Variants in TTC39A observed in about 807,000 individuals in gnomAD.
TTC39A encodes the protein tetratricopeptide repeat protein 39A.
A neutral mutation model predicts 82.3 loss-of-function variants in TTC39A; 46 were observed. The ratio of observed to expected loss-of-function variants is 0.56; its 90% CI spans 0.44 to 0.71. The LOEUF is 0.71. TTC39A is among the 30% of genes least tolerant of loss of function. The pLI is 0.00. For missense variants in TTC39A, 543 were observed against 712.9 expected (o/e 0.76, Z 2.71); for synonymous variants, 254 against 275.2 (o/e 0.92, Z 0.76).
chr1:51,342,620 C>A (rs780226814), intron 1 of TTC39A, among the ~76,000 whole-genome samples: 5 of 152,144 alleles, frequency 3.3e-5, no homozygotes, highest in East Asian at 3.9e-4. Flanking sequence ...GAGGGTGGAG[C>A]GGTCACAGGG....
At chr1:51,336,637 A>T (rs1178169900) in intron 1 of TTC39A, among the ~76,000 whole-genome samples, 1 of 152,124 alleles carries the variant, frequency 6.6e-6, no homozygotes, top group Non-Finnish European at 1.5e-5. Flanking sequence ...AGACAGGAAG[A>T]TCTGGATGGA....
chr1:51,292,196 A>T lies in TTC39A; in HGVS notation c.1267-1571T>A, dbSNP rs550498132. Among the ~76,000 whole-genome samples the T allele has an allele frequency of 4.6e-5, 7 of 152,282 alleles. No individual in the cohort carries two copies. In the East Asian group the frequency reaches 7.7e-4, roughly 17 times the overall value. ...GACCCCACCTCTAAAATAAATATTT[A>T]AAAATAAATAAAATAAAATAATAGT... On this transcript the variant is annotated intron_variant, in intron 14 of 17. Coordinates refer to ENST00000680483, the MANE Select transcript of TTC39A (RefSeq NM_001297663.2).
In TTC39A at chr1:51,316,457, C is replaced by T. The variant is rs150014981; in HGVS notation, c.147-3514G>A. ...CCTCATACCAGTCTCTCTCTTTCAACATACTCAATGCCAAGCCTGCCAACC... is the reference window on the plus strand; with the variant it reads ...CCTCATACCAGTCTCTCTCTTTCAATATACTCAATGCCAAGCCTGCCAACC... On this transcript the variant is annotated intron_variant, in intron 2 of 17. Transcript: ENST00000680483. Among the ~76,000 whole-genome samples the T allele has an allele frequency of 3.9e-3, 591 of 152,312 alleles. 2 individuals carry two copies. The highest frequency in any genetic ancestry group is 7.1e-3 in the Non-Finnish European group (486 of 68,010).
intron 1 of TTC39A, among the ~76,000 whole-genome samples, chr1:51,340,407 C>CA (rs1411361391): frequency 6.6e-6 from 1 of 152,180 alleles, no homozygotes; most frequent in Non-Finnish European, 1.5e-5. Context: ...CAGGGGGACT[C>CA]AGAGGAATGG....
chr1:51,336,802 A>C (rs192007979), intron 1 of TTC39A, among the ~76,000 whole-genome samples: 159 of 152,304 alleles, frequency 1.0e-3, no homozygotes, highest in Middle Eastern at 3.4e-3. Context: ...CACCAACCTC[A>C]TTAGGTTGTT....
chr1:51,343,726 G>A (rs1249254407), intron 1 of TTC39A, among the ~76,000 whole-genome samples: 1 of 152,186 alleles, frequency 6.6e-6, no homozygotes, highest in Non-Finnish European at 1.5e-5. Context: ...CTGAAAGGCT[G>A]AATGAGAGTC....
chr1:51,306,162 A>G, intron 6 of TTC39A, 86 bp from the exon 7 acceptor site: 1 of 1,085,506 alleles, frequency 9.2e-7, no homozygotes, highest in Admixed American at 1.9e-5. Context: ...GCCTCAGGTA[A>G]ACTCCCTGGT....
chr1:51,321,682 C>G lies in TTC39A; in HGVS notation c.146+39G>C, dbSNP rs749735217. Reference sequence around the variant, plus strand: ...AAGACCTCTGGTTCTCCCTGACCGTCATGCACACCCCCTACCCCAACCGGG... The same window carrying G: ...AAGACCTCTGGTTCTCCCTGACCGTGATGCACACCCCCTACCCCAACCGGG... On this transcript the variant is annotated intron_variant, in intron 2 of 17. Transcript: ENST00000680483. This position sits in a 1 kb window ranked among gnomAD's most constrained non-coding sequence, Gnocchi z 4.6. The G allele has an allele frequency of 2.5e-6, 4 of 1,593,776 alleles. No homozygotes were observed. The Admixed American group carries it at 6.8e-5, about 27-fold the overall frequency.
At chr1:51,336,923 C>T (rs1645981426) in intron 1 of TTC39A, among the ~76,000 whole-genome samples, 1 of 152,094 alleles carries the variant, frequency 6.6e-6, no homozygotes, top group African/African-American at 2.4e-5. Flanking sequence ...TTTGAGAGGC[C>T]AAGGCGGGAG....
At chr1:51,289,547 A>G (rs1644123128) in intron 16 of TTC39A, among the ~76,000 whole-genome samples, 1 of 152,026 alleles carries the variant, frequency 6.6e-6, no homozygotes, top group Admixed American at 6.5e-5. Flanking sequence ...TGCCTGATGA[A>G]CTTCCCACTT....
intron 2 of TTC39A, among the ~76,000 whole-genome samples, chr1:51,315,840 TAA>T (rs1645262900): frequency 6.6e-6 from 1 of 152,218 alleles, no homozygotes; most frequent in Non-Finnish European, 1.5e-5. Flanking sequence ...CATCTCAGTG[TAA>T]ATGTCACTTT....
chr1:51,324,212 C>T (rs1408585557), intron 1 of TTC39A, among the ~76,000 whole-genome samples: 2 of 152,064 alleles, frequency 1.3e-5, no homozygotes, highest in African/African-American at 2.4e-5. Flanking sequence ...CTGGTGGGGG[C>T]GGACCTTTTT....
At position 51,308,245 on chromosome 1, in the gene TTC39A, CT is replaced by C. The variant is rs527643647; in HGVS notation, c.488+1015del. Among the ~76,000 whole-genome samples, 513 of 145,770 alleles carry C rather than the reference CT, an allele frequency of 3.5e-3. 2 individuals carry two copies. Among genetic ancestry groups the C allele is most frequent in the South Asian group, 0.021 (99 of 4,610 alleles). ...TATAAACCTCTTGCCGCCACCCCCCCTTTTTTTTTTTTGAGATGACGTCTCG... is the reference window on the plus strand; with the variant it reads ...TATAAACCTCTTGCCGCCACCCCCCCTTTTTTTTTTTGAGATGACGTCTCG... On this transcript the variant is annotated intron_variant, in intron 6 of 17. Transcript: ENST00000680483.
At chr1:51,312,236 G>C in intron 3 of TTC39A, 41 bp from the exon 4 acceptor site, 1 of 1,554,188 alleles carries the variant, frequency 6.4e-7, no homozygotes. Flanking sequence ...GGATTAGAGA[G>C]AGGCCACACT....
upstream of TTC39A, chr1:51,330,766 C>A (rs1053784810): frequency 2.2e-6 from 1 of 454,758 alleles, no homozygotes; most frequent in Non-Finnish European, 3.3e-6. The surrounding 1 kb of genome is among the most constrained non-coding windows in gnomAD (Gnocchi z 4.5). Flanking sequence ...CAGACACCGC[C>A]CGGGCCGGGA....
rs1233855804 is a variant in TTC39A, at chr1:51,290,083, T to C, written c.1415A>G (p.Lys472Arg). The change falls in exon 16 of 18, where the codon AAA (lysine) becomes AGA (arginine). Residue 472 changes from lysine to arginine, a missense_variant. Physicochemically the swap from Lys to Arg is conservative, Grantham distance 26. Coordinates refer to ENST00000680483, the MANE Select transcript of TTC39A (RefSeq NM_001297663.2). ...EYSVDDECLV[K>R]LLKGLCLKYL... ...TTTCAGACACAGGCCTTTCAACAAT[T>C]TCACCAAGCACTCGTCATCCACTGA... 6.2e-7 allele frequency: 1 copy of C among 1,613,866 alleles called. No homozygotes were observed. The highest frequency in any genetic ancestry group is 2.2e-5 in the East Asian group (1 of 44,874).
Position 51,309,235 on chromosome 1 carries a change from A to C in TTC39A, c.488+26T>G, listed in dbSNP as rs766282477. 1.4e-5 allele frequency: 23 copies of C among 1,589,160 alleles called. No individual in the cohort carries two copies. In the South Asian group the frequency reaches 2.0e-4, roughly 14 times the overall value. ...AGATGCTGTGGCCCAGGGTCTCCCC[A>C]CAAGCGGATGGCCAGCCCCACTCAC... On this transcript the variant is annotated intron_variant, in intron 6 of 17. Transcript: ENST00000680483.
chr1:51,343,207 G>T (rs1646058303), intron 1 of TTC39A: 2 of 380,280 alleles, frequency 5.3e-6, no homozygotes, highest in Admixed American at 2.7e-5. Context: ...GGGGACAAAT[G>T]AGCCCTGTCT....
At chr1:51,299,963 G>C (rs1175407878) in intron 12 of TTC39A, 1 of 152,262 alleles carries the variant, frequency 6.6e-6, no homozygotes, top group Non-Finnish European at 1.5e-5. Flanking sequence ...TGTCCTTTTT[G>C]GGAGTAGGAG....
Sources: allele counts gnomAD v4.1 joint callset (sites outside exome capture counted in the v4.1 genomes callset), GRCh38; gene constraint gnomAD v4.1.1; non-coding constraint Gnocchi (gnomAD v3.1); transcripts MANE v1.5; gene names NCBI Gene and HGNC (gene_info 2026-07-23, HGNC 2026-07-21).